CBFB: variants seen among roughly 807,000 people sequenced by gnomAD.
CBFB encodes CBF-beta.
In CBFB, 9 loss-of-function variants were observed where a neutral mutation model predicts 30.4. The ratio of observed to expected loss-of-function variants is 0.30; its 90% CI spans 0.18 to 0.52. The LOEUF is 0.52. Ranked by LOEUF, CBFB falls within the 20% of genes least tolerant of loss-of-function variation. The pLI, the probability that CBFB is intolerant of heterozygous loss-of-function variation, is 0.97. For missense variants in CBFB, 170 were observed against 244.0 expected (o/e 0.70, Z 2.02); for synonymous variants, 94 against 84.0 (o/e 1.12, Z -0.65).
At chr16:67,083,526 C>T (rs943682805) in intron 5 of CBFB, among the ~76,000 whole-genome samples, 3 of 152,040 alleles carry the variant, frequency 2.0e-5, no homozygotes, top group Non-Finnish European at 4.4e-5. Flanking sequence ...GGACTCCTGA[C>T]CTCATGATCC....
chr16:67,032,625 A>G (rs988442710), intron 2 of CBFB, among the ~76,000 whole-genome samples: 2 of 152,246 alleles, frequency 1.3e-5, no homozygotes, highest in African/African-American at 2.4e-5. Flanking sequence ...GGATACAGCT[A>G]TTTTTCACAA....
chr16:67,094,804 T>A (rs946407627), intron 5 of CBFB, among the ~76,000 whole-genome samples: 3 of 152,312 alleles, frequency 2.0e-5, no homozygotes, highest in Admixed American at 1.3e-4. Context: ...ATTCCATAGC[T>A]CTTTGAATTT....
At chr16:67,081,066 C>T (rs538323198) in intron 4 of CBFB, among the ~76,000 whole-genome samples, 11 of 151,682 alleles carry the variant, frequency 7.3e-5, no homozygotes, top group East Asian at 5.8e-4. Context: ...CATGCTGGTG[C>T]GCTGCAGCCA....
intron 4 of CBFB, 94 bp downstream of exon 4, chr16:67,066,892 G>A (rs1961075639): frequency 6.0e-6 from 4 of 663,910 alleles, no homozygotes; most frequent in Admixed American, 4.6e-5. Flanking sequence ...TTAAGAGTAA[G>A]TATAGAAAGT....
At chr16:67,032,977 T>G (rs1286455179) in intron 2 of CBFB, among the ~76,000 whole-genome samples, 2 of 152,078 alleles carry the variant, frequency 1.3e-5, no homozygotes, top group African/African-American at 4.8e-5. Context: ...CATGTTCAAG[T>G]GATTGTCTTG....
intron 3 of CBFB, among the ~76,000 whole-genome samples, chr16:67,061,774 G>C (rs548550804): frequency 1.4e-4 from 21 of 152,158 alleles, no homozygotes; most frequent in Non-Finnish European, 2.8e-4. Context: ...ACTCACACTT[G>C]TAATCCCAGC....
In CBFB at chr16:67,092,698, C is replaced by CTTTT. The variant is rs777213321; in HGVS notation, c.496-5983_496-5980dup. ...CCAGGCTAGGTTACAGTGGTGCAAT[C>CTTTT]TTTTTTTTTTTTTTTTTTTTTTTTT... On this transcript the variant is annotated intron_variant, in intron 5 of 5. Coordinates refer to ENST00000412916, the MANE Select transcript of CBFB (RefSeq NM_022845.3). Among the ~76,000 whole-genome samples, 63 of 33,528 alleles carry CTTTT rather than the reference C, an allele frequency of 1.9e-3. 8 individuals are homozygous for CTTTT. The highest frequency in any genetic ancestry group is 5.6e-3 in the African/African-American group (49 of 8,716). The allele number at this position is 33,528 out of a possible 152,430, so 22.0% of individuals were successfully genotyped here. A position where few individuals can be genotyped will look rare whatever the true frequency, so the allele number is the denominator to read the frequency against.
intron 5 of CBFB, among the ~76,000 whole-genome samples, chr16:67,096,899 G>A (rs952347216): frequency 3.7e-4 from 53 of 143,912 alleles, no homozygotes; most frequent in Admixed American, 6.5e-4. Context: ...CCAAGATCGC[G>A]CCACTGCACT....
chr16:67,078,845 G>A (rs921501264), intron 4 of CBFB, among the ~76,000 whole-genome samples: 1 of 152,020 alleles, frequency 6.6e-6, no homozygotes, highest in African/African-American at 2.4e-5. Context: ...TAGTAGAGAC[G>A]GGGTTTCACC....
At chr16:67,055,268 G>C (rs555000844) in intron 3 of CBFB, among the ~76,000 whole-genome samples, 1 of 150,452 alleles carries the variant, frequency 6.6e-6, no homozygotes, top group South Asian at 2.1e-4. Context: ...ACAGAAGTCT[G>C]AGTTTAGTAT....
chr16:67,055,366 T>C (rs1960689182), intron 3 of CBFB, among the ~76,000 whole-genome samples: 1 of 132,112 alleles, frequency 7.6e-6, no homozygotes, highest in African/African-American at 2.9e-5. Context: ...TCTTTTTTTT[T>C]TTTTTTTTTT....
At chr16:67,041,297 C>G (rs566771414) in intron 3 of CBFB, among the ~76,000 whole-genome samples, 1 of 152,212 alleles carries the variant, frequency 6.6e-6, no homozygotes, top group African/African-American at 2.4e-5. Context: ...CTCATGCTAG[C>G]TGCTAGGTTA....
rs557593884 is a variant in CBFB at position 67,029,188 on chromosome 16, AGGCGGCGGCGGC to A, written c.-206_-195del. ...CTGCGCGGGCGGCAGGCAACGGCTG[AGGCGGCGGCGGC>A]GGCGGCGGCGGCGTGGGTTGGGCTC... On this transcript the variant is annotated 5_prime_UTR_variant, in exon 1 of 6. Coordinates refer to ENST00000412916, the MANE Select transcript of CBFB (RefSeq NM_022845.3). 1.1e-4 allele frequency: 22 copies of A among 192,860 alleles called. No homozygotes were observed. The highest frequency in any genetic ancestry group is 9.7e-4 in the South Asian group (6 of 6,162). The allele number at this position is 192,860 out of a possible 1,614,324, so 11.9% of individuals were successfully genotyped here. A position where few individuals can be genotyped will look rare whatever the true frequency, so the allele number is the denominator to read the frequency against.
intron 3 of CBFB, among the ~76,000 whole-genome samples, chr16:67,045,095 T>TTATATATA (rs59081635): frequency 6.7e-6 from 1 of 149,698 alleles, no homozygotes; most frequent in South Asian, 2.1e-4. Flanking sequence ...AACTGCAAGC[T>TTATATATA]TATATATATA....
Position 67,029,381 on chromosome 16 carries a change from C to T in CBFB, c.-27C>T, listed in dbSNP as rs778488249. The T allele has an allele frequency of 2.7e-6, 4 of 1,486,186 alleles. No individual in the cohort carries two copies. The highest frequency in any genetic ancestry group is 2.7e-6 in the Non-Finnish European group (3 of 1,117,110). The allele number at this position is 1,486,186 out of a possible 1,614,324, so 92.1% of individuals were successfully genotyped here. On this transcript the variant is annotated 5_prime_UTR_variant, in exon 1 of 6. Transcript: ENST00000412916. ...TGCCCGCGCAAGCCCCGAGCGCGGCCGGCCGGCGCGGCCTCAGGGCGGGAA... is the reference window on the plus strand; with the variant it reads ...TGCCCGCGCAAGCCCCGAGCGCGGCTGGCCGGCGCGGCCTCAGGGCGGGAA...
At chr16:67,038,341 T>C (rs1057035048) in intron 3 of CBFB, among the ~76,000 whole-genome samples, 13 of 151,018 alleles carry the variant, frequency 8.6e-5, no homozygotes, top group African/African-American at 2.9e-4. Flanking sequence ...TGTGTATATA[T>C]GTATATATGT....
chr16:67,049,058 TG>T (rs1374190894), intron 3 of CBFB, among the ~76,000 whole-genome samples: 4 of 151,918 alleles, frequency 2.6e-5, no homozygotes, highest in African/African-American at 9.7e-5. Context: ...TCATCTCAGG[TG>T]ATCTACCCAC....
intron 3 of CBFB, among the ~76,000 whole-genome samples, chr16:67,051,099 C>T (rs1396507518): frequency 2.0e-5 from 3 of 152,084 alleles, no homozygotes; most frequent in Non-Finnish European, 4.4e-5. Context: ...TGTGGCTAAG[C>T]GGGGACTACT....
chr16:67,053,515 A>G (rs1030663192), intron 3 of CBFB, among the ~76,000 whole-genome samples: 2 of 151,886 alleles, frequency 1.3e-5, no homozygotes, highest in Admixed American at 1.3e-4. Context: ...TCGGCCTCCC[A>G]AAGTGCTGGG....
Sources: gnomAD v4.1 joint callset for allele counts (sites outside exome capture counted in the v4.1 genomes callset) on GRCh38, gnomAD v4.1.1 for gene constraint, MANE v1.5 for transcripts, NCBI Gene and HGNC (gene_info 2026-07-23, HGNC 2026-07-21) for gene names.